WBP1L: variants seen among roughly 807,000 people sequenced by gnomAD.
WBP1L encodes the protein WW domain binding protein 1-like.
Under a neutral mutation model 33.7 loss-of-function variants are expected in WBP1L, and 17 were observed. The ratio of observed to expected loss-of-function variants is 0.50; its 90% CI spans 0.34 to 0.76. The LOEUF (loss-of-function observed/expected upper bound fraction) is 0.76. WBP1L is among the 30% of genes least tolerant of loss of function. The pLI, the probability that WBP1L is intolerant of heterozygous loss-of-function variation, is 0.01. For synonymous variants in WBP1L, 173 were observed against 190.8 expected (o/e 0.91, Z 0.77); for missense variants, 389 against 469.4 (o/e 0.83, Z 1.58).
intron 1 of WBP1L, among the ~76,000 whole-genome samples, chr10:102,764,388 AT>A (rs1184861481): frequency 2.0e-5 from 3 of 152,048 alleles, no homozygotes; most frequent in Non-Finnish European, 4.4e-5. Flanking sequence ...ACGTCTGACC[AT>A]TTCTTCTGCT....
chr10:102,770,497 T>C (rs1052596419), intron 1 of WBP1L, among the ~76,000 whole-genome samples: 1 of 152,184 alleles, frequency 6.6e-6, no homozygotes, highest in Non-Finnish European at 1.5e-5. Context: ...CCCTAGACCT[T>C]CAGCCCTAGT....
chr10:102,775,079 C>T (rs2134041208), intron 1 of WBP1L, among the ~76,000 whole-genome samples: 1 of 130,946 alleles, frequency 7.6e-6, no homozygotes, highest in East Asian at 2.5e-4. Flanking sequence ...CATCACACCA[C>T]TGTACTCCAG....
chr10:102,754,220 TC>T (rs1320796280), intron 1 of WBP1L, among the ~76,000 whole-genome samples: 1 of 152,238 alleles, frequency 6.6e-6, no homozygotes, highest in Non-Finnish European at 1.5e-5. Flanking sequence ...TGTGAGTTCA[TC>T]CTGCTTACTC....
At chr10:102,812,144 A>G (rs989610028) in intron 3 of WBP1L, among the ~76,000 whole-genome samples, 9 of 152,182 alleles carry the variant, frequency 5.9e-5, no homozygotes, top group African/African-American at 2.2e-4. Context: ...GAAGGTTAGG[A>G]GGAAGAAAAG....
chr10:102,772,016 A>G (rs1468517424), intron 1 of WBP1L, among the ~76,000 whole-genome samples: 1 of 148,548 alleles, frequency 6.7e-6, no homozygotes, highest in Non-Finnish European at 1.5e-5. Context: ...GCTGGAGTGC[A>G]GTGGCACAAT....
At chr10:102,801,277 T>C (rs372588281) in intron 2 of WBP1L, among the ~76,000 whole-genome samples, 1 of 152,230 alleles carries the variant, frequency 6.6e-6, no homozygotes, top group East Asian at 1.9e-4. Flanking sequence ...ACGGCACCTG[T>C]ACTTTAATTC....
At chr10:102,765,893 T>C (rs1329939705) in intron 1 of WBP1L, among the ~76,000 whole-genome samples, 2 of 152,226 alleles carry the variant, frequency 1.3e-5, no homozygotes, top group Non-Finnish European at 2.9e-5. Flanking sequence ...ATGACCTTGC[T>C]GTTAGCCTTT....
At chr10:102,751,851 T>C (rs1261337167) in intron 1 of WBP1L, among the ~76,000 whole-genome samples, 1 of 152,150 alleles carries the variant, frequency 6.6e-6, no homozygotes, top group Non-Finnish European at 1.5e-5. Flanking sequence ...TGTACTAGTA[T>C]GGGGTTGTCA....
intron 1 of WBP1L, 132 bp downstream of exon 1, chr10:102,744,275 G>T: frequency 7.9e-7 from 1 of 1,269,962 alleles, no homozygotes; most frequent in Non-Finnish European, 1.0e-6. Flanking sequence ...GGCGTGGACA[G>T]GATCTAAAGG....
At chr10:102,757,443 G>C (rs1307658271) in intron 1 of WBP1L, among the ~76,000 whole-genome samples, 1 of 152,220 alleles carries the variant, frequency 6.6e-6, no homozygotes, top group East Asian at 1.9e-4. Context: ...TGACCACAGG[G>C]CTAGACCACA....
At chr10:102,785,166 G>A (rs943075936) in intron 1 of WBP1L, among the ~76,000 whole-genome samples, 14 of 146,472 alleles carry the variant, frequency 9.6e-5, no homozygotes, top group Admixed American at 4.1e-4. Context: ...GAGCCACTGC[G>A]CCAGGCACCA....
At chr10:102,800,301 G>T (rs1412575662) in intron 2 of WBP1L, among the ~76,000 whole-genome samples, 1 of 152,220 alleles carries the variant, frequency 6.6e-6, no homozygotes. Flanking sequence ...GAAAAGGAAC[G>T]AAGTTGCTCA....
At position 102,816,036 on chromosome 10, in the gene WBP1L, G is replaced by A. The variant is rs1843938224; in HGVS notation, c.*2705G>A. ...GTGAATGAGACGGGGTCGGTGGAGG[G>A]TTTGGTGCTACAGCCAGTCAGAAGA... On this transcript the variant is annotated 3_prime_UTR_variant, in exon 4 of 4. Transcript: ENST00000448841. 1 of 152,626 alleles carries A rather than the reference G, an allele frequency of 6.6e-6. No homozygotes were observed. Among genetic ancestry groups the A allele is most frequent in the Admixed American group, 6.5e-5 (1 of 15,270 alleles). The allele number at this position is 152,626 out of a possible 1,614,324, so 9.5% of individuals were successfully genotyped here. A position where few individuals can be genotyped will look rare whatever the true frequency, so the allele number is the denominator to read the frequency against.
At chr10:102,758,541 A>T (rs1843003117) in intron 1 of WBP1L, among the ~76,000 whole-genome samples, 1 of 152,204 alleles carries the variant, frequency 6.6e-6, no homozygotes, top group Non-Finnish European at 1.5e-5. Flanking sequence ...AGCATGTATC[A>T]ATACTTCATA....
chr10:102,801,360 C>T (rs917907020), intron 2 of WBP1L, among the ~76,000 whole-genome samples: 1 of 152,198 alleles, frequency 6.6e-6, no homozygotes, highest in Non-Finnish European at 1.5e-5. Context: ...ATCAGAATTT[C>T]CTGAAGGGCT....
intron 1 of WBP1L, among the ~76,000 whole-genome samples, chr10:102,789,193 C>T (rs1232997110): frequency 5.3e-5 from 8 of 152,100 alleles, no homozygotes; most frequent in African/African-American, 1.4e-4. Context: ...GAATTCGTAA[C>T]CTCAGGTGAT....
chr10:102,783,901 C>T lies in WBP1L; in HGVS notation c.91-14092C>T, dbSNP rs1843371919. Among the ~76,000 whole-genome samples, 3 of 152,126 alleles carry T rather than the reference C, an allele frequency of 2.0e-5. No homozygotes were observed. The South Asian group carries it at 6.2e-4, about 31-fold the overall frequency. On this transcript the variant is annotated intron_variant, in intron 1 of 3. Coordinates refer to ENST00000448841, the MANE Select transcript of WBP1L (RefSeq NM_001083913.2). Reference sequence around the variant, plus strand: ...AGTCACAGGACTGAGGGAAGAAGTACCATATTGTTTTAATAAAGGGGAAAT... The same window carrying T: ...AGTCACAGGACTGAGGGAAGAAGTATCATATTGTTTTAATAAAGGGGAAAT...
chr10:102,783,305 C>T (rs1843363618), intron 1 of WBP1L, among the ~76,000 whole-genome samples: 1 of 152,204 alleles, frequency 6.6e-6, no homozygotes, highest in Non-Finnish European at 1.5e-5. Flanking sequence ...GTGAAAATCA[C>T]ACCCCCACAG....
intron 1 of WBP1L, among the ~76,000 whole-genome samples, chr10:102,751,210 C>T (rs1842921517): frequency 6.6e-6 from 1 of 152,262 alleles, no homozygotes; most frequent in Middle Eastern, 3.4e-3. Flanking sequence ...CCATGTTGGC[C>T]AGGCTGTTCT....
Sources: gnomAD v4.1 joint callset for allele counts (sites outside exome capture counted in the v4.1 genomes callset) on GRCh38, gnomAD v4.1.1 for gene constraint, MANE v1.5 for transcripts, NCBI Gene and HGNC (gene_info 2026-07-23, HGNC 2026-07-21) for gene names.